Variants in IQSEC1 observed in about 807,000 individuals in gnomAD.
IQSEC1 encodes the protein IQ motif and Sec7 domain ArfGEF 1.
In IQSEC1, 31 loss-of-function variants were observed where a neutral mutation model predicts 91.0. The ratio of observed to expected loss-of-function variants is 0.34; its 90% CI spans 0.26 to 0.46. The LOEUF is 0.46. Among genes scored for constraint, IQSEC1 ranks in the 20% least tolerant of loss-of-function variants. IQSEC1 has a pLI of 1.00. For missense variants in IQSEC1, 1,388 were observed against 1,575.6 expected, an observed-to-expected ratio of 0.88 and a Z score of 2.02; for synonymous variants, 699 against 662.6, an observed-to-expected ratio of 1.05 and a Z score of -0.84.
At position 12,994,717 on chromosome 3, in the gene IQSEC1, C is replaced by T. The variant is rs966421704; in HGVS notation, c.24-52852G>A. 6.6e-6 allele frequency among the ~76,000 whole-genome samples: 1 copy of T among 152,212 alleles called. No homozygotes were observed. The highest frequency in any genetic ancestry group is 2.4e-5 in the African/African-American group (1 of 41,460). ...AGGCGCACAGCTGCACCACGCTCCT[C>T]CGCGTCCCCTCCAGGACACACCCTC... On this transcript the variant is annotated intron_variant, in intron 1 of 13. Transcript: ENST00000613206. This position sits in a 1 kb window ranked among gnomAD's most constrained non-coding sequence, Gnocchi z 4.5.
At chr3:12,982,571 C>T (rs1471509627) in intron 1 of IQSEC1, among the ~76,000 whole-genome samples, 3 of 152,238 alleles carry the variant, frequency 2.0e-5, no homozygotes, top group Non-Finnish European at 2.9e-5. Flanking sequence ...TTAGCCACAA[C>T]CAACGCCAGC....
rs147752872 is a variant in IQSEC1 at position 13,000,784 on chromosome 3, A to G, written c.24-58919T>C. Reference sequence around the variant, plus strand: ...CAGCCCCAGGCTTGCAATAAACACAACTTCCATGAACTGGTACCCACTTTG... The same window carrying G: ...CAGCCCCAGGCTTGCAATAAACACAGCTTCCATGAACTGGTACCCACTTTG... On this transcript the variant is annotated intron_variant, in intron 1 of 13. Coordinates refer to ENST00000613206, the MANE Select transcript of IQSEC1 (RefSeq NM_001134382.3). Among the ~76,000 whole-genome samples, 250 of 152,320 alleles carry G rather than the reference A, an allele frequency of 1.6e-3. 2 individuals are homozygous for G. Among genetic ancestry groups the G allele is most frequent in the African/African-American group, 5.8e-3 (242 of 41,580 alleles).
Position 12,901,138 on chromosome 3 carries a change from C to T in IQSEC1, c.3190G>A (p.Gly1064Arg). Residue 1064 changes from glycine (G) to arginine (R), a missense_variant, in exon 14 of 14, where the codon GGG (glycine) becomes AGG (arginine). Physicochemically the swap from Gly to Arg is moderately radical, Grantham distance 125 (BLOSUM62 -2). Transcript: ENST00000613206. ...TGGGCCCCGTAGGCTGGGTGGCCCC[C>T]ATGGGGGCCGTGGTGGTACTGGTGT... ...HAHQYHHGPH[G>R]GHPAYGAHAH... The T allele has an allele frequency of 1.3e-6, 2 of 1,543,124 alleles. No homozygotes were observed. The highest frequency in any genetic ancestry group is 1.7e-6 in the Non-Finnish European group (2 of 1,145,876).
At chr3:13,136,318 C>T (rs929467660) in intron 2 of IQSEC1, among the ~76,000 whole-genome samples, 8 of 152,216 alleles carry the variant, frequency 5.3e-5, no homozygotes, top group Admixed American at 1.3e-4. Context: ...CACAAGTGAA[C>T]GGGAAAACCT....
At chr3:13,262,416 T>C (rs1038180788) in intron 1 of IQSEC1, among the ~76,000 whole-genome samples, 6 of 152,198 alleles carry the variant, frequency 3.9e-5, no homozygotes, top group Admixed American at 1.3e-4. Flanking sequence ...ACCATTCCTG[T>C]CTTTACCCAC....
Position 13,036,665 on chromosome 3 carries a change from C to G in IQSEC1, c.23+36327G>C, listed in dbSNP as rs544661646. Among the ~76,000 whole-genome samples, 15 of 152,242 alleles carry G rather than the reference C, an allele frequency of 9.9e-5. 1 individual carries two copies. In the South Asian group the frequency reaches 2.9e-3, roughly 29 times the overall value. ...GGTGCCCGACAGCCCTGGATGAGCCCAGGAAGCTCGGCCAGCTTCTCAGGC... is the reference window on the plus strand; with the variant it reads ...GGTGCCCGACAGCCCTGGATGAGCCGAGGAAGCTCGGCCAGCTTCTCAGGC... On this transcript the variant is annotated intron_variant, in intron 1 of 13. Coordinates refer to ENST00000613206, the MANE Select transcript of IQSEC1 (RefSeq NM_001134382.3).
At chr3:12,903,546 C>T (rs952093866) in intron 12 of IQSEC1, among the ~76,000 whole-genome samples, 6 of 152,260 alleles carry the variant, frequency 3.9e-5, no homozygotes, top group African/African-American at 7.2e-5. Flanking sequence ...CCAGCATCTT[C>T]GTCACGCCCC....
Position 12,909,251 on chromosome 3 carries a change from G to A in IQSEC1, c.2578+22C>T, listed in dbSNP as rs1695328811. 1 of 1,611,776 alleles carries A rather than the reference G, an allele frequency of 6.2e-7. No homozygotes were observed. The highest frequency in any genetic ancestry group is 1.7e-5 in the Admixed American group (1 of 59,968). On this transcript the variant is annotated intron_variant, in intron 11 of 13. Transcript: ENST00000613206. This position sits in a 1 kb window ranked among gnomAD's most constrained non-coding sequence, Gnocchi z 4.9. The stretch of plus-strand genomic sequence containing the variant: ...AGAGTCTGGCAAGTCTCGGCCTTCT[G>A]TCCATGAGGCCTGGTACTCACACTC...
Position 12,901,054 on chromosome 3 carries a change from C to T in IQSEC1, c.3274G>A (p.Gly1092Arg). ...AHVGHTVHHH[G>R]QPPAPPPPTS... is the part of the protein sequence containing the mutation. ...GGGGGCGGCGGGGCAGGGGGCTGCC[C>T]ATGGTGGTGCACTGTGTGCCCCACG... Residue 1092 changes from glycine (G) to arginine (R), a missense_variant, in exon 14 of 14, where the codon GGG (glycine) becomes AGG (arginine). By Grantham distance (125) the Gly-to-Arg change is moderately radical. This residue lies in a region of IQSEC1 where 329 missense variants were observed against 257.8 expected (regional missense o/e 1.28). Coordinates refer to ENST00000613206, the MANE Select transcript of IQSEC1 (RefSeq NM_001134382.3). 1 of 1,541,934 alleles carries T rather than the reference C, an allele frequency of 6.5e-7. No homozygotes were observed. The highest frequency in any genetic ancestry group is 8.7e-7 in the Non-Finnish European group (1 of 1,146,156).
intron 1 of IQSEC1, among the ~76,000 whole-genome samples, chr3:13,006,664 G>A (rs564027845): frequency 7.2e-5 from 11 of 152,344 alleles, no homozygotes; most frequent in South Asian, 6.2e-4. Context: ...AAACACACGC[G>A]CACACAGCCC....
intron 1 of IQSEC1, among the ~76,000 whole-genome samples, chr3:13,183,205 ACAAAC>A (rs1693875766): frequency 1.3e-5 from 2 of 151,980 alleles, no homozygotes; most frequent in African/African-American, 2.4e-5. Flanking sequence ...AAACAAACAA[ACAAAC>A]ATAAATAAAT....
At chr3:13,007,334 C>T (rs534341931) in intron 1 of IQSEC1, among the ~76,000 whole-genome samples, 8 of 152,340 alleles carry the variant, frequency 5.3e-5, no homozygotes, top group South Asian at 2.1e-4. Context: ...GCCTGTCGGC[C>T]GTTCTAAACA....
intron 2 of IQSEC1, among the ~76,000 whole-genome samples, chr3:12,939,253 C>G (rs956471497): frequency 1.3e-5 from 2 of 152,254 alleles, no homozygotes; most frequent in South Asian, 2.1e-4. Context: ...AGGGCTCCCC[C>G]ATCCGGCCCT....
intron 1 of IQSEC1, among the ~76,000 whole-genome samples, chr3:13,255,176 T>C (rs1444350328): frequency 6.6e-6 from 1 of 152,194 alleles, no homozygotes; most frequent in Non-Finnish European, 1.5e-5. Flanking sequence ...AGAACACGCA[T>C]GGCTGACCAC....
At chr3:13,005,018 C>T (rs149221389) in intron 1 of IQSEC1, among the ~76,000 whole-genome samples, 62 of 152,292 alleles carry the variant, frequency 4.1e-4, no homozygotes, top group East Asian at 1.9e-4. Context: ...ATGTTTCACA[C>T]GTGAACATCT....
chr3:12,900,451 G>T lies in IQSEC1; in HGVS notation c.*532C>A. The T allele has an allele frequency of 1.4e-6, 1 of 701,386 alleles. No homozygotes were observed. Among genetic ancestry groups the T allele is most frequent in the Non-Finnish European group, 1.7e-6 (1 of 574,566 alleles). The allele number at this position is 701,386 out of a possible 1,614,324, so 43.4% of individuals were successfully genotyped here. On this transcript the variant is annotated 3_prime_UTR_variant, in exon 14 of 14. Coordinates refer to ENST00000613206, the MANE Select transcript of IQSEC1 (RefSeq NM_001134382.3). Reference sequence around the variant, plus strand: ...TTCACACACAAGTACTACCTATACAGTATATATATATATATATTTATATAT... The same window carrying T: ...TTCACACACAAGTACTACCTATACATTATATATATATATATATTTATATAT...
intron 1 of IQSEC1, among the ~76,000 whole-genome samples, chr3:12,996,065 G>C (rs1353678512): frequency 1.3e-5 from 2 of 152,120 alleles, no homozygotes; most frequent in Non-Finnish European, 2.9e-5. Context: ...GGAGGCTGAG[G>C]CAAGAGGATT....
Position 12,908,502 on chromosome 3 carries a change from C to T in IQSEC1, c.2602G>A (p.Val868Ile), listed in dbSNP as rs17541405. 7,231 of 1,613,626 alleles carry T rather than the reference C, an allele frequency of 4.5e-3. 19 individuals carry two copies. The highest frequency in any genetic ancestry group is 5.3e-3 in the Non-Finnish European group (6,298 of 1,180,038). ...IESELEKQKG[V>I]VRPSMSQCSS... Reference sequence around the variant, plus strand: ...CACTGGGACATGCTGGGCCGCACGACGCCTTTCTGCTTCTCGAGCTCCGCT... The same window carrying T: ...CACTGGGACATGCTGGGCCGCACGATGCCTTTCTGCTTCTCGAGCTCCGCT... The change falls in exon 12 of 14, where the codon GTC (valine) becomes ATC (isoleucine). Residue 868 changes from valine to isoleucine, a missense_variant. Val to Ile is a conservative substitution (Grantham distance 29, BLOSUM62 3). Transcript: ENST00000613206. This position sits in a 1 kb window ranked among gnomAD's most constrained non-coding sequence, Gnocchi z 4.9.
intron 1 of IQSEC1, among the ~76,000 whole-genome samples, chr3:13,196,712 C>T (rs1694132555): frequency 6.6e-6 from 1 of 151,710 alleles, no homozygotes; most frequent in Non-Finnish European, 1.5e-5. Context: ...AATGAATATC[C>T]CTGGCATGCG....
Sources: gnomAD v4.1 joint callset for allele counts (sites outside exome capture counted in the v4.1 genomes callset) on GRCh38, gnomAD v4.1.1 for gene constraint, gnomAD v4.1.1 regional missense constraint, Gnocchi (gnomAD v3.1) non-coding constraint, MANE v1.5 for transcripts, NCBI Gene and HGNC (gene_info 2026-07-23, HGNC 2026-07-21) for gene names.